SMOC2: variants seen among roughly 807,000 people sequenced by gnomAD.
The protein encoded by SMOC2 is SPARC related modular calcium binding 2.
A neutral mutation model predicts 61.4 loss-of-function variants in SMOC2; 39 were observed. The ratio of observed to expected loss-of-function variants is 0.64; its 90% CI spans 0.49 to 0.83. The LOEUF (loss-of-function observed/expected upper bound fraction) is 0.83, where lower values mean the gene tolerates loss of function less well. SMOC2 is among the 40% of genes least tolerant of loss of function. The probability of loss-of-function intolerance (pLI) is 0.00; values close to 1 mark genes in which losing one functional copy is unlikely to be tolerated. For synonymous variants in SMOC2, 247 were observed against 239.9 expected, an observed-to-expected ratio of 1.03 and a Z score of -0.27; for missense variants, 556 against 592.9, an observed-to-expected ratio of 0.94 and a Z score of 0.65.
intron 2 of SMOC2, among the ~76,000 whole-genome samples, chr6:168,518,952 AGT>A (rs1395438918): frequency 7.7e-6 from 1 of 130,348 alleles, no homozygotes; most frequent in East Asian, 2.3e-4. Flanking sequence ...CATGTGTGTT[AGT>A]GTGTATCCGT....
At chr6:168,643,290 A>G (rs994757785) in intron 9 of SMOC2, among the ~76,000 whole-genome samples, 8 of 152,114 alleles carry the variant, frequency 5.3e-5, no homozygotes, top group African/African-American at 1.7e-4. Flanking sequence ...TTCTCCCAAC[A>G]GCTTCCAGTT....
intron 1 of SMOC2, among the ~76,000 whole-genome samples, chr6:168,464,370 G>A (rs1467992619): frequency 1.3e-5 from 2 of 151,996 alleles, no homozygotes; most frequent in Admixed American, 6.5e-5. Context: ...TTTGGATGAC[G>A]CTCCATAACA....
chr6:168,517,579 G>A (rs1481669712), intron 2 of SMOC2, among the ~76,000 whole-genome samples: 2 of 152,236 alleles, frequency 1.3e-5, no homozygotes, highest in African/African-American at 4.8e-5. Flanking sequence ...CTAAGAAGCC[G>A]GAGCCACGGG....
At chr6:168,618,679 G>A (rs569903121) in intron 9 of SMOC2, among the ~76,000 whole-genome samples, 16 of 152,312 alleles carry the variant, frequency 1.1e-4, no homozygotes, top group Non-Finnish European at 1.0e-4. Flanking sequence ...GAATGACGAT[G>A]GAAGGGCTAG....
intron 9 of SMOC2, among the ~76,000 whole-genome samples, chr6:168,610,871 C>G (rs760958995): frequency 2.0e-5 from 3 of 152,178 alleles, no homozygotes; most frequent in Non-Finnish European, 2.9e-5. Flanking sequence ...TAGGTTTCCT[C>G]CTGGGACTAT....
At chr6:168,601,867 G>A (rs1583150350) in intron 8 of SMOC2, among the ~76,000 whole-genome samples, 1 of 152,114 alleles carries the variant, frequency 6.6e-6, no homozygotes, top group East Asian at 1.9e-4. Flanking sequence ...CATTCTGCCT[G>A]GGCTTCATTC....
intron 1 of SMOC2, among the ~76,000 whole-genome samples, chr6:168,484,264 C>A (rs1294395764): frequency 6.6e-6 from 1 of 151,916 alleles, no homozygotes; most frequent in Non-Finnish European, 1.5e-5. Flanking sequence ...TGATGTTTAA[C>A]TTATGCAAAG....
chr6:168,442,654 G>A (rs762842136), intron 1 of SMOC2, among the ~76,000 whole-genome samples: 1 of 152,248 alleles, frequency 6.6e-6, no homozygotes, highest in South Asian at 2.1e-4. Context: ...GTTGAAATAA[G>A]CTGTGGTCGG....
chr6:168,608,386 T>C, intron 9 of SMOC2, 147 bp downstream of exon 9: 1 of 896,056 alleles, frequency 1.1e-6, no homozygotes, highest in Non-Finnish European at 1.7e-6. Context: ...CAGAGGGCCC[T>C]GAGTCCAGGC....
intron 1 of SMOC2, among the ~76,000 whole-genome samples, chr6:168,465,485 A>C (rs1781807492): frequency 6.6e-6 from 1 of 152,120 alleles, no homozygotes; most frequent in African/African-American, 2.4e-5. Context: ...AAAAAAGAAA[A>C]AAGAAAGACT....
rs60281372 is a variant in SMOC2, at chr6:168,612,624, G to C, written c.907+4385G>C. On this transcript the variant is annotated intron_variant, in intron 9 of 12. Transcript: ENST00000356284. ...ACTCAAACAGCAGCACTGGGTTCGT[G>C]ATCTCCATCAGTCCTCAGGGCCCCT... 5.1e-3 allele frequency among the ~76,000 whole-genome samples: 772 copies of C among 152,362 alleles called. 5 individuals are homozygous for C. Among genetic ancestry groups the C allele is most frequent in the African/African-American group, 0.017 (721 of 41,576 alleles).
At chr6:168,590,237 ACGGGG>A (rs1420433543) in intron 7 of SMOC2, among the ~76,000 whole-genome samples, 788 of 68,314 alleles carry the variant, frequency 0.012, 258 homozygotes, top group Middle Eastern at 0.068. Context: ...GCATTAGTTT[ACGGGG>A]CAGCCGGTCT....
At chr6:168,659,519 AG>A (rs1554255790) in intron 11 of SMOC2, among the ~76,000 whole-genome samples, 58 of 2,582 alleles carry the variant, frequency 0.022, 5 homozygotes, top group African/African-American at 0.06. Flanking sequence ...TGGAGGTTGT[AG>A]GTTGGGTGAG....
At chr6:168,606,178 C>T (rs961837175) in intron 8 of SMOC2, among the ~76,000 whole-genome samples, 1 of 152,122 alleles carries the variant, frequency 6.6e-6, no homozygotes, top group Non-Finnish European at 1.5e-5. Flanking sequence ...ACCTGCTGGC[C>T]GCAGCAGCAG....
intron 1 of SMOC2, among the ~76,000 whole-genome samples, chr6:168,498,831 G>A (rs1782656242): frequency 7.3e-6 from 1 of 136,318 alleles, no homozygotes; most frequent in Non-Finnish European, 1.7e-5. Context: ...CCCATAGCCT[G>A]TCTACTACAC....
At chr6:168,652,650 T>C (rs149258935) in intron 10 of SMOC2, among the ~76,000 whole-genome samples, 111 of 152,316 alleles carry the variant, frequency 7.3e-4, no homozygotes, top group African/African-American at 2.6e-3. Context: ...CTGCATGTGC[T>C]GACCTGCCAG....
intron 2 of SMOC2, among the ~76,000 whole-genome samples, chr6:168,510,508 A>G (rs1375005012): frequency 6.6e-6 from 1 of 152,236 alleles, no homozygotes; most frequent in Non-Finnish European, 1.5e-5. Context: ...ATTCAGAGTT[A>G]AGAGTCTAAT....
intron 7 of SMOC2, among the ~76,000 whole-genome samples, chr6:168,558,902 TGC>T (rs1261342868): frequency 6.6e-6 from 1 of 152,080 alleles, no homozygotes; most frequent in Non-Finnish European, 1.5e-5. Flanking sequence ...TGCATGTGTG[TGC>T]ACGTGTGTAT....
intron 1 of SMOC2, among the ~76,000 whole-genome samples, chr6:168,499,706 C>G (rs1405925942): frequency 6.6e-6 from 1 of 152,184 alleles, no homozygotes; most frequent in Non-Finnish European, 1.5e-5. Flanking sequence ...TACTTTATAT[C>G]CAGTCATCCT....
Sources: gnomAD v4.1 joint callset for allele counts (sites outside exome capture counted in the v4.1 genomes callset) on GRCh38, gnomAD v4.1.1 for gene constraint, MANE v1.5 for transcripts, NCBI Gene and HGNC (gene_info 2026-07-23, HGNC 2026-07-21) for gene names.